The following SERTAD4 variants were observed in gnomAD, a reference collection of about 807,000 sequenced individuals.
SERTAD4 encodes the protein SERTA domain containing 4.
A neutral mutation model predicts 32.9 loss-of-function variants in SERTAD4; 18 were observed. That is an observed-to-expected ratio of 0.55 (90% confidence interval 0.38 to 0.81). The LOEUF (loss-of-function observed/expected upper bound fraction) is 0.81, where lower values mean the gene tolerates loss of function less well. Ranked by LOEUF, SERTAD4 falls within the 30% of genes least tolerant of loss-of-function variation. SERTAD4 has a pLI of 0.00. For missense variants in SERTAD4, 383 were observed against 426.0 expected (o/e 0.90, Z 0.89); for synonymous variants, 150 against 156.4 (o/e 0.96, Z 0.30).
Position 210,239,384 on chromosome 1 carries a change from C to A in SERTAD4, c.176-109C>A, listed in dbSNP as rs1415407991. The A allele has an allele frequency of 4.2e-6, 3 of 716,540 alleles. No homozygotes were observed. In the East Asian group the frequency reaches 7.9e-5, roughly 19 times the overall value. 44.4% of individuals were successfully genotyped at this position (716,540 alleles called of 1,614,324 possible). On this transcript the variant is annotated intron_variant, in intron 2 of 3. Coordinates refer to ENST00000367012, the MANE Select transcript of SERTAD4 (RefSeq NM_019605.5). ...TATTTTTAATCACCACATGTACAGACAAATATGTAGCCAAGTTATCCTCTA... is the reference window on the plus strand; with the variant it reads ...TATTTTTAATCACCACATGTACAGAAAAATATGTAGCCAAGTTATCCTCTA...
chr1:210,233,950 C>T (rs545586767), intron 1 of SERTAD4: 1 of 413,840 alleles, frequency 2.4e-6, no homozygotes, highest in Non-Finnish European at 4.8e-6. Context: ...TGGAATCCTA[C>T]CTTTGGTGTT....
chr1:210,238,708 A>G (rs2083967776), intron 2 of SERTAD4, among the ~76,000 whole-genome samples: 1 of 152,248 alleles, frequency 6.6e-6, no homozygotes, highest in Non-Finnish European at 1.5e-5. Context: ...ATAAATGGGT[A>G]AAGCACACAA....
In SERTAD4 at chr1:210,245,150, TC is replaced by T. The variant is rs1169695300; in HGVS notation, c.*2815del. 1 of 152,194 alleles carries T rather than the reference TC, an allele frequency of 6.6e-6. No individual in the cohort carries two copies. The highest frequency in any genetic ancestry group is 1.5e-5 in the Non-Finnish European group (1 of 68,054). The allele number at this position is 152,194 out of a possible 1,614,324, so 9.4% of individuals were successfully genotyped here. On this transcript the variant is annotated 3_prime_UTR_variant, in exon 4 of 4. Transcript: ENST00000367012. ...GCAACTTGGAAAAGCTAAGACATCCTCCACCCACACTGGTATCTACGCGCCT... is the reference window on the plus strand; with the variant it reads ...GCAACTTGGAAAAGCTAAGACATCCTCACCCACACTGGTATCTACGCGCCT...
At chr1:210,235,423 C>T (rs746095524) in intron 1 of SERTAD4, among the ~76,000 whole-genome samples, 30 of 152,260 alleles carry the variant, frequency 2.0e-4, no homozygotes, top group Middle Eastern at 6.8e-3. Flanking sequence ...ATCTCCTCCC[C>T]GCTCCCAAAT....
intron 1 of SERTAD4, among the ~76,000 whole-genome samples, chr1:210,233,399 G>A (rs2083905172): frequency 6.6e-6 from 1 of 152,206 alleles, no homozygotes; most frequent in Non-Finnish European, 1.5e-5. Context: ...TGGCCGCTTA[G>A]TCCCTCATCG....
Position 210,237,935 on chromosome 1 carries a change from T to C in SERTAD4, c.-17-9T>C. 1.3e-6 allele frequency: 2 copies of C among 1,568,706 alleles called. No homozygotes were observed. Among genetic ancestry groups the C allele is most frequent in the South Asian group, 1.2e-5 (1 of 85,128 alleles). ...TCTTCATTCTTGTTTTTTTTTTTTT[T>C]CTTTTCAGATCTGAGGCTGTCAGAG... On this transcript the variant is annotated splice_polypyrimidine_tract_variant and intron_variant, in intron 1 of 3. Coordinates refer to ENST00000367012, the MANE Select transcript of SERTAD4 (RefSeq NM_019605.5).
Position 210,245,353 on chromosome 1 carries a change from A to ATCTGG in SERTAD4, c.*3018_*3019insTGGTC, listed in dbSNP as rs1306745044. ...CATCTGGGTGCATATCATTAATGAA[A>ATCTGG]TCATTAACCTTTGTCTCTGGTCCTT... is the stretch of plus-strand genomic sequence containing the variant. On this transcript the variant is annotated 3_prime_UTR_variant, in exon 4 of 4. Transcript: ENST00000367012. 3 of 152,224 alleles carry ATCTGG rather than the reference A, an allele frequency of 2.0e-5. No homozygotes were observed. The highest frequency in any genetic ancestry group is 2.9e-5 in the Non-Finnish European group (2 of 68,044). 9.4% of individuals were successfully genotyped at this position (152,224 alleles called of 1,614,324 possible).
At chr1:210,239,469 G>A in intron 2 of SERTAD4, 24 bp from the exon 3 acceptor site, 6 of 1,389,650 alleles carry the variant, frequency 4.3e-6, no homozygotes, top group Non-Finnish European at 6.1e-6. Context: ...CATGTCATTT[G>A]TCATATCTGA....
At position 210,244,356 on chromosome 1, in the gene SERTAD4, A is replaced by C. The variant is rs2084027742; in HGVS notation, c.*2019A>C. Reference sequence around the variant, plus strand: ...TGATCAATAAGGTTATGTCTGAAAGAATGTAAAGATTTTCCTTTCTGGAGT... The same window carrying C: ...TGATCAATAAGGTTATGTCTGAAAGCATGTAAAGATTTTCCTTTCTGGAGT... On this transcript the variant is annotated 3_prime_UTR_variant, in exon 4 of 4. Transcript: ENST00000367012. 1 of 152,246 alleles carries C rather than the reference A, an allele frequency of 6.6e-6. No homozygotes were observed. Among genetic ancestry groups the C allele is most frequent in the South Asian group, 2.1e-4 (1 of 4,838 alleles). The allele number at this position is 152,246 out of a possible 1,614,324, so 9.4% of individuals were successfully genotyped here. A position where few individuals can be genotyped will look rare whatever the true frequency, so the allele number is the denominator to read the frequency against.
At chr1:210,235,212 C>T (rs12750751) in intron 1 of SERTAD4, among the ~76,000 whole-genome samples, 283 of 152,262 alleles carry the variant, frequency 1.9e-3, no homozygotes, top group Non-Finnish European at 3.2e-3. Flanking sequence ...GAATTGCTGA[C>T]GTCAGTAGCA....
At chr1:210,236,194 A>G (rs2083938927) in intron 1 of SERTAD4, among the ~76,000 whole-genome samples, 1 of 152,248 alleles carries the variant, frequency 6.6e-6, no homozygotes, top group Non-Finnish European at 1.5e-5. Context: ...AAAGAGAAAA[A>G]TAAATGACAT....
In SERTAD4 at chr1:210,245,282, A is replaced by C. The variant is rs113249336; in HGVS notation, c.*2945A>C. The C allele has an allele frequency of 1.3e-5, 2 of 152,206 alleles. No individual in the cohort carries two copies. The highest frequency in any genetic ancestry group is 1.3e-4 in the Admixed American group (2 of 15,280). The allele number at this position is 152,206 out of a possible 1,614,324, so 9.4% of individuals were successfully genotyped here. A position where few individuals can be genotyped will look rare whatever the true frequency, so the allele number is the denominator to read the frequency against. On this transcript the variant is annotated 3_prime_UTR_variant, in exon 4 of 4. Transcript: ENST00000367012. ...ATGAGGGGAAATCTTCATTTAAGAAAGTTGCCTTGCTCCCCAAGAGTGCCT... is the reference window on the plus strand; with the variant it reads ...ATGAGGGGAAATCTTCATTTAAGAACGTTGCCTTGCTCCCCAAGAGTGCCT...
chr1:210,233,256 T>A (rs1043521569), intron 1 of SERTAD4, among the ~76,000 whole-genome samples: 3 of 151,952 alleles, frequency 2.0e-5, no homozygotes, highest in Admixed American at 2.0e-4. Flanking sequence ...TGGGCTAGCG[T>A]GCGCCGCGGC....
At position 210,242,662 on chromosome 1, in the gene SERTAD4, C is replaced by T. The variant is rs2084010795; in HGVS notation, c.*325C>T. On this transcript the variant is annotated 3_prime_UTR_variant, in exon 4 of 4. Transcript: ENST00000367012. This position sits in a 1 kb window ranked among gnomAD's most constrained non-coding sequence, Gnocchi z 4.0. Reference sequence around the variant, plus strand: ...ATATTTCCATTGCCCCCCAAGGAGCCTGTCACTAGCTAAGAAATTTCTACA... The same window carrying T: ...ATATTTCCATTGCCCCCCAAGGAGCTTGTCACTAGCTAAGAAATTTCTACA... 3 of 1,062,760 alleles carry T rather than the reference C, an allele frequency of 2.8e-6. No homozygotes were observed. The highest frequency in any genetic ancestry group is 4.5e-5 in the South Asian group (1 of 22,196). The allele number at this position is 1,062,760 out of a possible 1,614,324, so 65.8% of individuals were successfully genotyped here.
intron 1 of SERTAD4, among the ~76,000 whole-genome samples, chr1:210,234,573 T>C (rs2083923154): frequency 6.6e-6 from 1 of 152,164 alleles, no homozygotes; most frequent in Non-Finnish European, 1.5e-5. Flanking sequence ...TGAGATCATT[T>C]TGGGACAATG....
intron 1 of SERTAD4, among the ~76,000 whole-genome samples, chr1:210,235,101 C>G (rs540205473): frequency 1.3e-5 from 2 of 152,208 alleles, no homozygotes; most frequent in East Asian, 1.9e-4. Context: ...CTCTAACACC[C>G]TCCTGTTGAA....
At position 210,233,994 on chromosome 1, in the gene SERTAD4, T is replaced by TA. The variant is rs1269438559; in HGVS notation, c.-18+995dup. 2,257 of 332,030 alleles carry TA rather than the reference T, an allele frequency of 6.8e-3. 11 individuals carry two copies. Among genetic ancestry groups the TA allele is most frequent in the African/African-American group, 0.021 (895 of 41,776 alleles). The allele number at this position is 332,030 out of a possible 1,614,324, so 20.6% of individuals were successfully genotyped here. On this transcript the variant is annotated intron_variant, in intron 1 of 3. Transcript: ENST00000367012. Reference sequence around the variant, plus strand: ...TTAGAAGGAAACTTGGTTTTTTTTTTAAAAAAAAAAAAGGATAAGACATAA... The same window carrying TA: ...TTAGAAGGAAACTTGGTTTTTTTTTTAAAAAAAAAAAAAGGATAAGACATAA...
intron 3 of SERTAD4, 132 bp from the exon 4 acceptor site, chr1:210,241,426 A>T: frequency 1.1e-6 from 1 of 924,574 alleles, no homozygotes; most frequent in South Asian, 2.0e-5. Flanking sequence ...GAACAAGACC[A>T]CAACATGCCC....
At chr1:210,240,812 G>C (rs533387288) in intron 3 of SERTAD4, among the ~76,000 whole-genome samples, 27 of 152,270 alleles carry the variant, frequency 1.8e-4, no homozygotes, top group African/African-American at 6.5e-4. Context: ...TCATTCATTA[G>C]TGTGTCCTCT....
Sources: allele counts gnomAD v4.1 joint callset (sites outside exome capture counted in the v4.1 genomes callset), GRCh38; gene constraint gnomAD v4.1.1; non-coding constraint Gnocchi (gnomAD v3.1); transcripts MANE v1.5; gene names NCBI Gene and HGNC (gene_info 2026-07-23, HGNC 2026-07-21).